WWOX: variants seen among roughly 807,000 people sequenced by gnomAD.
WWOX encodes WW domain containing oxidoreductase, also known as WW domain-containing oxidoreductase.
Under a neutral mutation model 46.2 loss-of-function variants are expected in WWOX, and 69 were observed. The observed-to-expected ratio is 1.49, with a 90% CI of 1.23 to 1.82. The LOEUF (loss-of-function observed/expected upper bound fraction) is 1.82, where lower values mean the gene tolerates loss of function less well. Ranked by LOEUF, WWOX falls within the 40% of genes most tolerant of loss-of-function variation. WWOX has a pLI of 0.00. For synonymous variants in WWOX, 359 were observed against 202.6 expected, an observed-to-expected ratio of 1.77 and a Z score of -6.56; for missense variants, 919 against 542.6, an observed-to-expected ratio of 1.69 and a Z score of -6.89.
At chr16:78,218,495 A>T (rs1052348344) in intron 5 of WWOX, among the ~76,000 whole-genome samples, 7 of 152,132 alleles carry the variant, frequency 4.6e-5, no homozygotes, top group Non-Finnish European at 2.9e-5. Flanking sequence ...GGTTGACAGG[A>T]GTCATGATTT....
intron 8 of WWOX, among the ~76,000 whole-genome samples, chr16:78,625,798 G>A (rs2046298401): frequency 8.6e-6 from 1 of 115,904 alleles, no homozygotes; most frequent in Admixed American, 9.2e-5. Context: ...TAAAAGTAAT[G>A]GCAAAAACTG....
intron 8 of WWOX, among the ~76,000 whole-genome samples, chr16:78,474,635 A>T (rs1351275925): frequency 6.6e-6 from 1 of 151,800 alleles, no homozygotes; most frequent in African/African-American, 2.4e-5. Context: ...TGTACAATTC[A>T]ATGGCTCAGT....
intron 8 of WWOX, among the ~76,000 whole-genome samples, chr16:78,847,214 C>T (rs1325309960): frequency 1.3e-5 from 2 of 152,178 alleles, no homozygotes; most frequent in African/African-American, 4.8e-5. Context: ...TAGTTGCGCT[C>T]ATTACTGCTG....
At chr16:78,765,855 G>C (rs2049914098) in intron 8 of WWOX, among the ~76,000 whole-genome samples, 1 of 152,184 alleles carries the variant, frequency 6.6e-6, no homozygotes, top group Non-Finnish European at 1.5e-5. Flanking sequence ...AGGGAACAGA[G>C]AGGACAGAGT....
chr16:78,590,087 G>A (rs1436298585), intron 8 of WWOX, among the ~76,000 whole-genome samples: 1 of 152,054 alleles, frequency 6.6e-6, no homozygotes, highest in Non-Finnish European at 1.5e-5. Flanking sequence ...TCCTTAAGGA[G>A]AGAAACACAT....
chr16:78,353,647 G>T (rs1195113770), intron 5 of WWOX, among the ~76,000 whole-genome samples: 1 of 152,226 alleles, frequency 6.6e-6, no homozygotes, highest in Non-Finnish European at 1.5e-5. Flanking sequence ...ATTACCTGCA[G>T]TAATATTATG....
intron 4 of WWOX, among the ~76,000 whole-genome samples, chr16:78,121,245 C>G (rs2033079162): frequency 6.6e-6 from 1 of 152,130 alleles, no homozygotes; most frequent in African/African-American, 2.4e-5. Context: ...CATTGGAACT[C>G]CATTTTAAAT....
chr16:78,893,394 A>AT (rs1015460228), intron 8 of WWOX, among the ~76,000 whole-genome samples: 13 of 151,734 alleles, frequency 8.6e-5, no homozygotes, highest in Admixed American at 3.3e-4. Flanking sequence ...CATTCAGTAT[A>AT]TTTTCTTTAT....
At chr16:78,755,124 G>A (rs2049608837) in intron 8 of WWOX, among the ~76,000 whole-genome samples, 1 of 151,696 alleles carries the variant, frequency 6.6e-6, no homozygotes, top group Middle Eastern at 3.4e-3. Flanking sequence ...TAGATGACGG[G>A]TTGATAGGTG....
chr16:78,670,765 A>G (rs2047443383), intron 8 of WWOX, among the ~76,000 whole-genome samples: 2 of 152,018 alleles, frequency 1.3e-5, no homozygotes, highest in Admixed American at 1.3e-4. Flanking sequence ...TCCTGCTTTG[A>G]CCTCCTAAAG....
At chr16:79,188,368 C>T (rs1441968203) in intron 8 of WWOX, among the ~76,000 whole-genome samples, 2 of 146,894 alleles carry the variant, frequency 1.4e-5, no homozygotes, top group South Asian at 2.3e-4. Flanking sequence ...ATTTCCCTTG[C>T]AAATGCTCTC....
chr16:78,521,096 G>C (rs2043339231), intron 8 of WWOX, among the ~76,000 whole-genome samples: 1 of 152,176 alleles, frequency 6.6e-6, no homozygotes, highest in Non-Finnish European at 1.5e-5. Context: ...GCCCAGTGAA[G>C]AAATGACTTC....
At chr16:78,755,906 T>C (rs771770860) in intron 8 of WWOX, among the ~76,000 whole-genome samples, 1 of 152,180 alleles carries the variant, frequency 6.6e-6, no homozygotes, top group African/African-American at 2.4e-5. Context: ...CATAGGATTT[T>C]TGTCAGGACG....
intron 8 of WWOX, among the ~76,000 whole-genome samples, chr16:78,716,836 C>G (rs1368005426): frequency 6.6e-6 from 1 of 152,188 alleles, no homozygotes; most frequent in African/African-American, 2.4e-5. Flanking sequence ...CCTCCCTACG[C>G]AACCACAGCT....
At chr16:79,129,271 C>T (rs577111196) in intron 8 of WWOX, among the ~76,000 whole-genome samples, 4 of 151,220 alleles carry the variant, frequency 2.6e-5, no homozygotes, top group Non-Finnish European at 5.9e-5. Context: ...GTAGTTTTAG[C>T]GTGCTGCCCA....
intron 8 of WWOX, among the ~76,000 whole-genome samples, chr16:79,053,344 C>G (rs1358241326): frequency 6.6e-6 from 1 of 152,120 alleles, no homozygotes; most frequent in Non-Finnish European, 1.5e-5. Context: ...TCCTGCATCC[C>G]AGCAACGTGG....
chr16:78,177,444 T>A (rs150281591), intron 5 of WWOX, among the ~76,000 whole-genome samples: 4 of 152,264 alleles, frequency 2.6e-5, no homozygotes, highest in African/African-American at 9.6e-5. Context: ...TCATGAAAGA[T>A]GGTCTCCCCA....
At chr16:78,375,722 G>GA (rs1227869485) in intron 5 of WWOX, among the ~76,000 whole-genome samples, 3 of 151,606 alleles carry the variant, frequency 2.0e-5, no homozygotes. Flanking sequence ...TCATCTTAAA[G>GA]AAAAAAATTA....
intron 8 of WWOX, among the ~76,000 whole-genome samples, chr16:79,180,635 G>C (rs1358052744): frequency 6.6e-6 from 1 of 151,324 alleles, no homozygotes; most frequent in Non-Finnish European, 1.5e-5. Flanking sequence ...TGCTTAATTT[G>C]CTTCTTTCTT....
Sources: allele counts gnomAD v4.1 joint callset (sites outside exome capture counted in the v4.1 genomes callset), GRCh38; gene constraint gnomAD v4.1.1; transcripts MANE v1.5; gene names NCBI Gene and HGNC (gene_info 2026-07-23, HGNC 2026-07-21).